The following IDUA variants were observed in gnomAD, a reference collection of about 807,000 sequenced individuals.
IDUA encodes alpha-L-iduronidase.
In IDUA, 65 loss-of-function variants were observed where a neutral mutation model predicts 68.9. That is an observed-to-expected ratio of 0.94 (90% confidence interval 0.77 to 1.16). IDUA has a LOEUF of 1.16. Among genes scored for constraint, IDUA ranks in the 50% most tolerant of loss-of-function variants. The pLI, the probability that IDUA is intolerant of heterozygous loss-of-function variation, is 0.00. For missense variants in IDUA, 1,046 were observed against 938.0 expected, an observed-to-expected ratio of 1.12 and a Z score of -1.50; for synonymous variants, 529 against 433.6, an observed-to-expected ratio of 1.22 and a Z score of -2.73.
chr4:989,898 GGCCACGGCATCCAAA>G (rs1199269560), intron 2 of IDUA: 1 of 1,566,324 alleles, frequency 6.4e-7, no homozygotes, highest in Admixed American at 1.9e-5. Context: ...CGAGGGCCAG[GGCCACGGCATCCAAA>G]GCCACACGCT....
At chr4:987,353 C>T in intron 1 of IDUA, 111 bp downstream of exon 1, 4 of 1,091,324 alleles carry the variant, frequency 3.7e-6, no homozygotes, top group Non-Finnish European at 5.1e-6. Context: ...CTCTGGGGCC[C>T]TGGCTCTCCC....
In IDUA at chr4:1,003,564, G is replaced by T. The variant is rs771540729; in HGVS notation, c.1666G>T (p.Ala556Ser). 6.2e-7 allele frequency: 1 copy of T among 1,612,016 alleles called. No homozygotes were observed. Among genetic ancestry groups the T allele is most frequent in the Non-Finnish European group, 8.5e-7 (1 of 1,179,786 alleles). The change falls in exon 12 of 14, where the codon GCC (alanine) becomes TCC (serine). Residue 556 changes from alanine to serine, a missense_variant. Transcript: ENST00000514224. Reference sequence around the variant, plus strand: ...CCTCCCCCAGGTCACGCGGCTCCGCGCCCTGCCCCTGACCCAAGGGCAGCT... The same window carrying T: ...CCTCCCCCAGGTCACGCGGCTCCGCTCCCTGCCCCTGACCCAAGGGCAGCT... The part of the protein sequence containing the change: ...KPPGQVTRLR[A>S]LPLTQGQLVL...
chr4:1,001,422 A>C, intron 4 of IDUA, 46 bp from the exon 5 acceptor site: 1 of 1,521,388 alleles, frequency 6.6e-7, no homozygotes, highest in South Asian at 1.1e-5. Flanking sequence ...GGAGTCACTG[A>C]GGCGAGATTC....
chr4:992,021 C>A, intron 2 of IDUA: 1 of 620,634 alleles, frequency 1.6e-6, no homozygotes, highest in Non-Finnish European at 3.0e-6. Context: ...TGGCGGCACC[C>A]TGTCCAGGCT....
intron 1 of IDUA, 87 bp downstream of exon 1, chr4:987,329 A>G: frequency 7.9e-7 from 1 of 1,261,346 alleles, no homozygotes; most frequent in South Asian, 1.3e-5. Context: ...AGCTTCAGAG[A>G]CCGGAGCTCC....
At chr4:991,936 G>T (rs761106154) in intron 2 of IDUA, 2 of 927,128 alleles carry the variant, frequency 2.2e-6, no homozygotes, top group South Asian at 2.8e-5. Context: ...AGAATCCATC[G>T]TGAGGTGAGA....
chr4:987,303 G>A, intron 1 of IDUA, 61 bp downstream of exon 1: 1 of 1,431,970 alleles, frequency 7.0e-7, no homozygotes, highest in South Asian at 1.2e-5. Flanking sequence ...GGCGCCCCCT[G>A]ACTGCGCACT....
intron 2 of IDUA, among the ~76,000 whole-genome samples, chr4:995,433 G>A (rs914321009): frequency 7.9e-5 from 12 of 152,190 alleles, no homozygotes; most frequent in African/African-American, 2.2e-4. Context: ...CCTGCACGGG[G>A]CACCTGTGGC....
chr4:1,000,751 C>T, intron 3 of IDUA, 54 bp downstream of exon 3: 1 of 1,493,690 alleles, frequency 6.7e-7, no homozygotes, highest in African/African-American at 1.4e-5. Context: ...GCCCTGCCCA[C>T]CCTCTCCCTC....
chr4:1,004,231 G>C lies in IDUA; in HGVS notation c.1829-29G>C. On this transcript the variant is annotated intron_variant, in intron 13 of 13. Transcript: ENST00000514224. This position sits in a 1 kb window ranked among gnomAD's most constrained non-coding sequence, Gnocchi z 5.0. ...GGGCTTTCGGGTGGGGGCAGGTTCCGGTTGGCACACATGTCCCCTTGTCTC... is the reference window on the plus strand; with the variant it reads ...GGGCTTTCGGGTGGGGGCAGGTTCCCGTTGGCACACATGTCCCCTTGTCTC... 1.2e-6 allele frequency: 2 copies of C among 1,609,606 alleles called. No individual in the cohort carries two copies. The highest frequency in any genetic ancestry group is 1.1e-5 in the South Asian group (1 of 91,082).
Position 989,673 on chromosome 4 carries a change from C to A in IDUA, c.299+1724C>A, listed in dbSNP as rs762688882. Reference sequence around the variant, plus strand: ...CCAGCGCCAGCAGCACCAGCAGCACCACGGTGGCGCTGACCACGCTGGACA... The same window carrying A: ...CCAGCGCCAGCAGCACCAGCAGCACAACGGTGGCGCTGACCACGCTGGACA... On this transcript the variant is annotated intron_variant, in intron 2 of 13. Transcript: ENST00000514224. The A allele has an allele frequency of 1.9e-6, 3 of 1,571,928 alleles. No homozygotes were observed. The Admixed American group carries it at 5.6e-5, about 29-fold the overall frequency.
intron 4 of IDUA, 65 bp from the exon 5 acceptor site, chr4:1,001,403 C>G (rs1715062735): frequency 7.5e-7 from 1 of 1,330,696 alleles, no homozygotes. Context: ...CTTGCACCCT[C>G]CCTCCGTGGG....
intron 12 of IDUA, 100 bp downstream of exon 12, chr4:1,003,725 C>A: frequency 7.5e-7 from 1 of 1,325,144 alleles, no homozygotes; most frequent in Non-Finnish European, 1.1e-6. Flanking sequence ...TTGCCGTGGC[C>A]CATCGGCTCC....
At chr4:991,245 C>T (rs147715228) in intron 2 of IDUA, 1 of 1,611,888 alleles carries the variant, frequency 6.2e-7, no homozygotes, top group Non-Finnish European at 8.5e-7. Context: ...CTCCGGGCTG[C>T]AGGCCGTCCT....
chr4:1,003,494 C>T, intron 11 of IDUA, 24 bp downstream of exon 11: 1 of 1,593,110 alleles, frequency 6.3e-7, no homozygotes, highest in South Asian at 1.1e-5. Context: ...CCCTAACCCG[C>T]GCCGCGGCCC....
Position 987,899 on chromosome 4 carries a change from C to A in IDUA, c.249C>A (p.Arg83=), listed in dbSNP as rs765563471. The change falls in exon 2 of 14, where the codon CGC becomes CGA. Residue 83 remains arginine, a synonymous_variant. Transcript: ENST00000514224. ...NLAYVGAVPH[R]GIKQVRTHWL... ...CCTATGTGGGCGCCGTCCCTCACCG[C>A]GGCATCAAGCAGGTCCGGACCCACT... 6.2e-7 allele frequency: 1 copy of A among 1,608,582 alleles called. No homozygotes were observed. The highest frequency in any genetic ancestry group is 8.5e-7 in the Non-Finnish European group (1 of 1,178,314).
chr4:1,002,342 A>G lies in IDUA; in HGVS notation c.1046A>G (p.Asp349Gly), dbSNP rs371397270. ...SAFPYALLSN[D>G]NAFLSYHPHP... ...TTCCCCTACGCGCTCCTGAGCAACG[A>G]CAATGCCTTCCTGAGCTACCACCCG... is the stretch of plus-strand genomic sequence containing the variant. The change falls in exon 8 of 14, where the codon GAC (aspartate) becomes GGC (glycine). Residue 349 changes from aspartate to glycine, a missense_variant. Coordinates refer to ENST00000514224, the MANE Select transcript of IDUA (RefSeq NM_000203.5). 10 of 1,613,160 alleles carry G rather than the reference A, an allele frequency of 6.2e-6. No homozygotes were observed. In the African/African-American group the frequency reaches 1.3e-4, roughly 21 times the overall value.
chr4:991,049 C>T (rs1313528377), intron 2 of IDUA: 9 of 1,385,612 alleles, frequency 6.5e-6, no homozygotes, highest in Non-Finnish European at 8.7e-6. Context: ...TGCTTGCCCC[C>T]AGCCTTGCCC....
At chr4:991,839 G>C in intron 2 of IDUA, 1 of 1,528,382 alleles carries the variant, frequency 6.5e-7, no homozygotes, top group Non-Finnish European at 8.8e-7. Flanking sequence ...CCCACCCAGG[G>C]CCGGGGATTG....
Sources: gnomAD v4.1 joint callset for allele counts (sites outside exome capture counted in the v4.1 genomes callset) on GRCh38, gnomAD v4.1.1 for gene constraint, Gnocchi (gnomAD v3.1) non-coding constraint, MANE v1.5 for transcripts, NCBI Gene and HGNC (gene_info 2026-07-23, HGNC 2026-07-21) for gene names.